TACR1: variants seen among roughly 807,000 people sequenced by gnomAD.
The protein encoded by TACR1 is substance-P receptor.
A neutral mutation model predicts 35.8 loss-of-function variants in TACR1; 25 were observed. The ratio of observed to expected loss-of-function variants is 0.70; its 90% CI spans 0.51 to 0.98. The LOEUF is 0.98. Among genes scored for constraint, TACR1 ranks in the 50% least tolerant of loss-of-function variants. TACR1 has a pLI of 0.00. For missense variants in TACR1, 478 were observed against 522.9 expected, an observed-to-expected ratio of 0.91 and a Z score of 0.84; for synonymous variants, 195 against 206.7, an observed-to-expected ratio of 0.94 and a Z score of 0.48.
chr2:75,170,002 C>T (rs1189601587), intron 1 of TACR1, among the ~76,000 whole-genome samples: 6 of 151,756 alleles, frequency 4.0e-5, no homozygotes, highest in African/African-American at 1.5e-4. Flanking sequence ...TTGTTTTTTT[C>T]CTTTCTCTTA....
intron 1 of TACR1, among the ~76,000 whole-genome samples, chr2:75,148,408 C>T (rs939013498): frequency 2.0e-5 from 3 of 152,198 alleles, no homozygotes; most frequent in Admixed American, 6.5e-5. Context: ...TAATAATCAC[C>T]ATCCTGACTG....
In TACR1 at chr2:75,147,631, A is replaced by C. The variant is rs540426878; in HGVS notation, c.390-26863T>G. On this transcript the variant is annotated intron_variant, in intron 1 of 4. Coordinates refer to ENST00000305249, the MANE Select transcript of TACR1 (RefSeq NM_001058.4). Reference sequence around the variant, plus strand: ...TGTGTCCATGTGTTTTCATTGTTCAACTCCAACTTATGAGTGAGAAAATGC... The same window carrying C: ...TGTGTCCATGTGTTTTCATTGTTCACCTCCAACTTATGAGTGAGAAAATGC... Among the ~76,000 whole-genome samples, 129 of 151,574 alleles carry C rather than the reference A, an allele frequency of 8.5e-4. 1 individual carries two copies. The highest frequency in any genetic ancestry group is 1.5e-3 in the South Asian group (7 of 4,774).
chr2:75,154,410 G>GCGCGCGCGCACACA (rs1166779798), intron 1 of TACR1: 2 of 75,364 alleles, frequency 2.7e-5, no homozygotes, highest in African/African-American at 9.8e-5. Flanking sequence ...GAGCGCGCAC[G>GCGCGCGCGCACACA]CACACACACA....
At chr2:75,140,280 G>A (rs1339201009) in intron 1 of TACR1, among the ~76,000 whole-genome samples, 1 of 152,062 alleles carries the variant, frequency 6.6e-6, no homozygotes, top group Non-Finnish European at 1.5e-5. Flanking sequence ...GAAAGGCAAG[G>A]GGCTAATGAA....
chr2:75,143,223 C>G (rs765685524), intron 1 of TACR1, among the ~76,000 whole-genome samples: 1 of 152,180 alleles, frequency 6.6e-6, no homozygotes, highest in Non-Finnish European at 1.5e-5. Flanking sequence ...AGGCTGGATC[C>G]TGATTGGCCT....
chr2:75,122,999 G>A (rs3755464), intron 1 of TACR1, among the ~76,000 whole-genome samples: 105,262 of 151,946 alleles, frequency 0.69, 37,489 homozygotes, highest in African/African-American at 0.86. Flanking sequence ...TGCGGTGGGT[G>A]GGGGAAACTC....
intron 2 of TACR1, among the ~76,000 whole-genome samples, chr2:75,057,196 A>G (rs908575116): frequency 2.0e-5 from 3 of 151,922 alleles, no homozygotes; most frequent in Non-Finnish European, 4.4e-5. Context: ...TTCCTGCCTT[A>G]ACTGATGACA....
intron 2 of TACR1, among the ~76,000 whole-genome samples, chr2:75,089,733 A>G (rs1157652656): frequency 1.3e-5 from 2 of 152,126 alleles, no homozygotes; most frequent in Non-Finnish European, 2.9e-5. Flanking sequence ...AGAGGTGAGG[A>G]AAGTGAGGCT....
Position 75,101,960 on chromosome 2 carries a change from A to T in TACR1, c.584+18614T>A, listed in dbSNP as rs540793960. On this transcript the variant is annotated intron_variant, in intron 2 of 4. Coordinates refer to ENST00000305249, the MANE Select transcript of TACR1 (RefSeq NM_001058.4). Reference sequence around the variant, plus strand: ...CTCTGTCTCTCCAAAAATAAAAAATAAAAAAATAAAAAAATAAAAATAAAG... The same window carrying T: ...CTCTGTCTCTCCAAAAATAAAAAATTAAAAAATAAAAAAATAAAAATAAAG... Among the ~76,000 whole-genome samples, 18 of 151,894 alleles carry T rather than the reference A, an allele frequency of 1.2e-4. No individual in the cohort carries two copies. In the South Asian group the frequency reaches 3.5e-3, roughly 30 times the overall value.
chr2:75,118,530 G>A (rs1036489066), intron 2 of TACR1, among the ~76,000 whole-genome samples: 2 of 152,134 alleles, frequency 1.3e-5, no homozygotes, highest in Non-Finnish European at 2.9e-5. Context: ...GTCTCAAAGA[G>A]ATTTTCTAGT....
At chr2:75,152,238 G>A (rs1036439987) in intron 1 of TACR1, among the ~76,000 whole-genome samples, 6 of 152,084 alleles carry the variant, frequency 3.9e-5, no homozygotes, top group African/African-American at 1.4e-4. Flanking sequence ...AGGGCCCAGG[G>A]GCTGAATGAT....
chr2:75,150,147 C>G (rs768274797), intron 1 of TACR1, among the ~76,000 whole-genome samples: 3 of 152,070 alleles, frequency 2.0e-5, no homozygotes, highest in Non-Finnish European at 4.4e-5. Context: ...ACTACAAACT[C>G]TATTTGTTAA....
chr2:75,127,560 G>A (rs1470514885), intron 1 of TACR1, among the ~76,000 whole-genome samples: 1 of 152,120 alleles, frequency 6.6e-6, no homozygotes, highest in African/African-American at 2.4e-5. Context: ...ATAAAAAATG[G>A]GTGCAAAGTC....
intron 1 of TACR1, among the ~76,000 whole-genome samples, chr2:75,178,752 G>T (rs2104039895): frequency 6.6e-6 from 1 of 152,140 alleles, no homozygotes; most frequent in South Asian, 2.1e-4. Flanking sequence ...TGACACGTAG[G>T]TACTTCCTTC....
intron 4 of TACR1, 32 bp downstream of exon 4, chr2:75,051,219 C>G (rs1378891883): frequency 2.5e-6 from 4 of 1,613,778 alleles, no homozygotes; most frequent in Non-Finnish European, 3.4e-6. Flanking sequence ...GTCTTGTGGC[C>G]CCTGGAGAGC....
chr2:75,067,839 T>C (rs897858631), intron 2 of TACR1, among the ~76,000 whole-genome samples: 27 of 152,074 alleles, frequency 1.8e-4, no homozygotes, highest in African/African-American at 6.3e-4. Context: ...GGCCATGAGA[T>C]GTGGTGGGGG....
intron 1 of TACR1, among the ~76,000 whole-genome samples, chr2:75,137,614 AG>A (rs1674320439): frequency 1.3e-5 from 2 of 150,968 alleles, no homozygotes; most frequent in Admixed American, 1.3e-4. Context: ...CTGTAGTCCC[AG>A]CTACTTGGAA....
intron 1 of TACR1, among the ~76,000 whole-genome samples, chr2:75,126,642 G>A (rs1030157803): frequency 3.9e-5 from 6 of 152,278 alleles, no homozygotes; most frequent in African/African-American, 1.4e-4. Flanking sequence ...ATTGACAAAT[G>A]GGATCTAATT....
intron 2 of TACR1, among the ~76,000 whole-genome samples, chr2:75,097,908 C>A (rs1305841638): frequency 1.3e-5 from 2 of 152,112 alleles, no homozygotes; most frequent in Non-Finnish European, 2.9e-5. Flanking sequence ...AAAAACATCC[C>A]CAGTTTGTAG....
Sources: gnomAD v4.1 joint callset for allele counts (sites outside exome capture counted in the v4.1 genomes callset) on GRCh38, gnomAD v4.1.1 for gene constraint, MANE v1.5 for transcripts, NCBI Gene and HGNC (gene_info 2026-07-23, HGNC 2026-07-21) for gene names.